The following MFHAS1 variants were observed in gnomAD, a reference collection of about 807,000 sequenced individuals.
MFHAS1 encodes multifunctional ROCO family signaling regulator 1, also known as malignant fibrous histiocytoma-amplified sequence 1.
Under a neutral mutation model 70.4 loss-of-function variants are expected in MFHAS1, and 50 were observed. That is an observed-to-expected ratio of 0.71 (90% CI 0.57 to 0.90). The LOEUF (loss-of-function observed/expected upper bound fraction) is 0.90, where lower values mean the gene tolerates loss of function less well. Ranked by LOEUF, MFHAS1 falls within the 40% of genes least tolerant of loss-of-function variation. The pLI is 0.00. For synonymous variants in MFHAS1, 952 were observed against 620.0 expected (o/e 1.54, Z -7.96); for missense variants, 1,795 against 1,347.6 (o/e 1.33, Z -5.20).
At chr8:8,834,123 C>CAA (rs35902674) in intron 1 of MFHAS1, among the ~76,000 whole-genome samples, 43 of 133,058 alleles carry the variant, frequency 3.2e-4, no homozygotes, top group Middle Eastern at 3.8e-3. Context: ...GAGACTCTGT[C>CAA]AAAAAAAACA....
At chr8:8,812,764 A>G (rs1302276725) in intron 1 of MFHAS1, among the ~76,000 whole-genome samples, 1 of 151,632 alleles carries the variant, frequency 6.6e-6, no homozygotes, top group East Asian at 2.0e-4. Context: ...GCACTGTCTA[A>G]TGACTTCTTT....
At chr8:8,858,102 A>G (rs1482037570) in intron 1 of MFHAS1, among the ~76,000 whole-genome samples, 1 of 152,228 alleles carries the variant, frequency 6.6e-6, no homozygotes, top group Non-Finnish European at 1.5e-5. Context: ...TCCCAAAGCA[A>G]CAGCCATCTG....
intron 1 of MFHAS1, among the ~76,000 whole-genome samples, chr8:8,825,443 G>C (rs1807123650): frequency 6.6e-6 from 1 of 152,196 alleles, no homozygotes; most frequent in Admixed American, 6.5e-5. Context: ...AAAGTGCTGG[G>C]ATTATGGGTG....
Position 8,786,070 on chromosome 8 carries a change from A to G in MFHAS1, c.3126-15T>C. ...CAACATTCTTCCTGTATGGGTGGAC[A>G]ACAAGAAAGCACAGAGATGACAAAA... On this transcript the variant is annotated splice_polypyrimidine_tract_variant and intron_variant, in intron 2 of 2. Coordinates refer to ENST00000276282, the MANE Select transcript of MFHAS1 (RefSeq NM_004225.3). 6.2e-7 allele frequency: 1 copy of G among 1,613,352 alleles called. No homozygotes were observed. Among genetic ancestry groups the G allele is most frequent in the Non-Finnish European group, 8.5e-7 (1 of 1,179,268 alleles).
intron 1 of MFHAS1, among the ~76,000 whole-genome samples, chr8:8,840,258 GC>G (rs1374879894): frequency 6.6e-6 from 1 of 151,988 alleles, no homozygotes; most frequent in East Asian, 1.9e-4. Flanking sequence ...GGAGTTTCAG[GC>G]TAGCCTGGCC....
At chr8:8,870,456 ACT>A (rs1009341227) in intron 1 of MFHAS1, among the ~76,000 whole-genome samples, 8 of 152,056 alleles carry the variant, frequency 5.3e-5, no homozygotes, top group South Asian at 2.1e-4. Context: ...ACAGAGCAAG[ACT>A]CTGTCTCCCA....
At chr8:8,809,410 A>T (rs1199415058) in intron 1 of MFHAS1, among the ~76,000 whole-genome samples, 3 of 152,022 alleles carry the variant, frequency 2.0e-5, no homozygotes, top group Non-Finnish European at 4.4e-5. Context: ...CAATGGCCCG[A>T]CATGTAAGTA....
At chr8:8,837,533 C>G (rs1807642374) in intron 1 of MFHAS1, among the ~76,000 whole-genome samples, 1 of 151,986 alleles carries the variant, frequency 6.6e-6, no homozygotes, top group East Asian at 1.9e-4. Flanking sequence ...TCCCAAGCTA[C>G]TCGAGAGGCT....
chr8:8,806,594 C>T (rs1806298321), intron 1 of MFHAS1, among the ~76,000 whole-genome samples: 1 of 152,166 alleles, frequency 6.6e-6, no homozygotes, highest in South Asian at 2.1e-4. Context: ...TGACACTATA[C>T]AAATTGCAAT....
intron 2 of MFHAS1, among the ~76,000 whole-genome samples, chr8:8,790,850 G>T (rs1282679837): frequency 6.6e-6 from 1 of 152,120 alleles, no homozygotes; most frequent in African/African-American, 2.4e-5. Flanking sequence ...ACTGCAACTG[G>T]TCTTAAATGT....
At chr8:8,786,118 C>G in intron 2 of MFHAS1, 63 bp from the exon 3 acceptor site, 1 of 1,414,296 alleles carries the variant, frequency 7.1e-7, no homozygotes, top group Non-Finnish European at 1.0e-6. Flanking sequence ...ATGCTACCCT[C>G]AATAAGAAAA....
rs577326661 is a variant in MFHAS1, at chr8:8,811,312, A to AATT, written c.2999-13822_2999-13821insAAT. ...ATTATAATTGCAAACCAGAATAAAA[A>AATT]TTTTTTTTTTTTTGAGATAGGGTCT... On this transcript the variant is annotated intron_variant, in intron 1 of 2. Coordinates refer to ENST00000276282, the MANE Select transcript of MFHAS1 (RefSeq NM_004225.3). 2.7e-5 allele frequency among the ~76,000 whole-genome samples: 4 copies of AATT among 148,132 alleles called. No individual in the cohort carries two copies. In the South Asian group the frequency reaches 6.4e-4, roughly 24 times the overall value.
intron 1 of MFHAS1, among the ~76,000 whole-genome samples, chr8:8,799,490 T>A (rs555026136): frequency 2.0e-4 from 31 of 152,338 alleles, no homozygotes; most frequent in South Asian, 6.2e-4. Flanking sequence ...GGACAGTGGT[T>A]CATGCCTCTA....
chr8:8,868,368 T>G (rs148481606), intron 1 of MFHAS1, among the ~76,000 whole-genome samples: 331 of 150,462 alleles, frequency 2.2e-3, no homozygotes, highest in African/African-American at 7.7e-3. Context: ...GCAAAGATTT[T>G]TTTTAATCTA....
chr8:8,877,863 T>C (rs994509920), intron 1 of MFHAS1, among the ~76,000 whole-genome samples: 3 of 152,200 alleles, frequency 2.0e-5, no homozygotes, highest in African/African-American at 7.2e-5. Flanking sequence ...ATGAATGCCA[T>C]TTAAACAAAG....
At chr8:8,883,444 A>T (rs1213789851) in intron 1 of MFHAS1, among the ~76,000 whole-genome samples, 2 of 151,318 alleles carry the variant, frequency 1.3e-5, no homozygotes, top group Non-Finnish European at 2.9e-5. Flanking sequence ...GCAGTGGCTC[A>T]TGCCTGTAAT....
At chr8:8,798,057 A>G (rs1369807826) in intron 1 of MFHAS1, among the ~76,000 whole-genome samples, 1 of 152,232 alleles carries the variant, frequency 6.6e-6, no homozygotes, top group Admixed American at 6.5e-5. Flanking sequence ...GATGCACGAC[A>G]CAACACTATC....
At chr8:8,850,798 T>G (rs1391059683) in intron 1 of MFHAS1, among the ~76,000 whole-genome samples, 1 of 114,666 alleles carries the variant, frequency 8.7e-6, no homozygotes, top group South Asian at 2.7e-4. Flanking sequence ...GCAACAGGAG[T>G]GAAACTCCGT....
Position 8,892,780 on chromosome 8 carries a change from G to C in MFHAS1, c.279C>G (p.Val93=). 1 of 1,585,174 alleles carries C rather than the reference G, an allele frequency of 6.3e-7. No homozygotes were observed. Among genetic ancestry groups the C allele is most frequent in the South Asian group, 1.1e-5 (1 of 87,596 alleles). The change falls in exon 1 of 3, where the codon GTC becomes GTG. Residue 93 remains valine (V), a synonymous_variant. Transcript: ENST00000276282. This position sits in a 1 kb window ranked among gnomAD's most constrained non-coding sequence, Gnocchi z 4.7. ...GSALGSLRVL[V]LRRNRFARLP... is the part of the protein sequence containing the mutation. ...GCCGGGCGAAGCGGTTCCTGCGCAG[G>C]ACCAGGACGCGCAGGCTGCCCAGCG... is the stretch of plus-strand genomic sequence containing the variant.
Sources: gnomAD v4.1 joint callset for allele counts (sites outside exome capture counted in the v4.1 genomes callset) on GRCh38, gnomAD v4.1.1 for gene constraint, Gnocchi (gnomAD v3.1) non-coding constraint, MANE v1.5 for transcripts, NCBI Gene and HGNC (gene_info 2026-07-23, HGNC 2026-07-21) for gene names.